The following PHACTR1 variants were observed in gnomAD, a reference collection of about 807,000 sequenced individuals.
PHACTR1 encodes phosphatase and actin regulator 1, also known as RPEL repeat containing 1.
In PHACTR1, 16 loss-of-function variants were observed where a neutral mutation model predicts 69.2. The ratio of observed to expected loss-of-function variants is 0.23; its 90% CI spans 0.16 to 0.35. PHACTR1 has a LOEUF of 0.35. Ranked by LOEUF, PHACTR1 falls within the 10% of genes least tolerant of loss-of-function variation. The probability of loss-of-function intolerance (pLI) is 1.00; values close to 1 mark genes in which losing one functional copy is unlikely to be tolerated. For missense variants in PHACTR1, 510 were observed against 734.7 expected (o/e 0.69, Z 3.54); for synonymous variants, 312 against 284.5 (o/e 1.10, Z -0.97).
chr6:13,171,616 G>A (rs1010449404), intron 6 of PHACTR1, among the ~76,000 whole-genome samples: 8 of 152,170 alleles, frequency 5.3e-5, no homozygotes, highest in African/African-American at 1.7e-4. Flanking sequence ...TACTCTGATT[G>A]AGGAACTGCT....
At chr6:13,219,283 T>C (rs146201013) in intron 8 of PHACTR1, among the ~76,000 whole-genome samples, 375 of 152,328 alleles carry the variant, frequency 2.5e-3, no homozygotes, top group African/African-American at 8.7e-3. Context: ...AGCTGTTCCA[T>C]CCTCTAGGGG....
chr6:12,749,964 G>C (rs1396960340), intron 4 of PHACTR1, among the ~76,000 whole-genome samples, 174 bp downstream of exon 4: 1 of 152,146 alleles, frequency 6.6e-6, no homozygotes, highest in South Asian at 2.1e-4. Context: ...GCTACGGGGT[G>C]GGGGAGGGCG....
intron 4 of PHACTR1, among the ~76,000 whole-genome samples, chr6:13,046,597 C>A (rs1279959740): frequency 2.0e-5 from 3 of 152,022 alleles, no homozygotes; most frequent in African/African-American, 7.2e-5. Flanking sequence ...ACAACATGGC[C>A]TTGTTGATTT....
intron 5 of PHACTR1, among the ~76,000 whole-genome samples, chr6:13,055,871 CAT>C (rs1009067979): frequency 2.0e-5 from 3 of 152,240 alleles, no homozygotes; most frequent in Non-Finnish European, 4.4e-5. Flanking sequence ...AGAATGGAAA[CAT>C]GTGACAAGCA....
chr6:12,948,655 C>T (rs1172718078), intron 4 of PHACTR1, among the ~76,000 whole-genome samples: 2 of 152,110 alleles, frequency 1.3e-5, no homozygotes, highest in African/African-American at 2.4e-5. Flanking sequence ...TGACCCTGCC[C>T]GATTCCGGTA....
chr6:13,106,161 G>A (rs1335263542), intron 5 of PHACTR1, among the ~76,000 whole-genome samples: 2 of 152,148 alleles, frequency 1.3e-5, no homozygotes, highest in African/African-American at 2.4e-5. Flanking sequence ...ACATTCCTCA[G>A]ATAAAAGTTC....
intron 10 of PHACTR1, among the ~76,000 whole-genome samples, chr6:13,238,466 A>G (rs1223986065): frequency 6.6e-6 from 1 of 152,152 alleles, no homozygotes; most frequent in Admixed American, 6.5e-5. Flanking sequence ...AAGTATCCTA[A>G]ATCTGTATTT....
At chr6:13,090,050 T>TG (rs1812978002) in intron 5 of PHACTR1, among the ~76,000 whole-genome samples, 1 of 151,826 alleles carries the variant, frequency 6.6e-6, no homozygotes, top group Non-Finnish European at 1.5e-5. Context: ...TTTTGGGTTT[T>TG]TTTGTTGTTG....
intron 4 of PHACTR1, among the ~76,000 whole-genome samples, chr6:13,011,019 A>G (rs983070302): frequency 1.3e-5 from 2 of 152,200 alleles, no homozygotes; most frequent in African/African-American, 2.4e-5. Context: ...ATACTAAGCT[A>G]TATTCCATCC....
intron 4 of PHACTR1, chr6:12,934,003 A>G (rs758664504): frequency 2.6e-5 from 39 of 1,490,676 alleles, no homozygotes; most frequent in Admixed American, 6.7e-5. Flanking sequence ...ACATAAAACA[A>G]TATCAATTTG....
rs571292862 is a variant in PHACTR1, at chr6:12,762,699, C to T, written c.250+12909C>T. On this transcript the variant is annotated intron_variant, in intron 4 of 14. Transcript: ENST00000332995. Reference sequence around the variant, plus strand: ...AACTCCTCCCTGTGCCATGAAGCAACCAGGCAGCCTTGACAACAATTACTG... The same window carrying T: ...AACTCCTCCCTGTGCCATGAAGCAATCAGGCAGCCTTGACAACAATTACTG... 2.6e-5 allele frequency among the ~76,000 whole-genome samples: 4 copies of T among 152,266 alleles called. No homozygotes were observed. The South Asian group carries it at 6.2e-4, about 24-fold the overall frequency.
intron 4 of PHACTR1, among the ~76,000 whole-genome samples, chr6:13,042,717 T>C (rs907499220): frequency 2.6e-5 from 4 of 152,238 alleles, no homozygotes; most frequent in Non-Finnish European, 5.9e-5. Context: ...AGTGGAACGC[T>C]TATTAGCCAG....
intron 4 of PHACTR1, 34 bp downstream of exon 4, chr6:12,749,824 C>G (rs371748587): frequency 1.3e-6 from 2 of 1,519,260 alleles, no homozygotes; most frequent in East Asian, 2.4e-5. Context: ...CCCCCGCCCC[C>G]GCCCTGCTCC....
intron 4 of PHACTR1, among the ~76,000 whole-genome samples, chr6:12,883,845 C>T (rs909748043): frequency 3.3e-5 from 5 of 152,286 alleles, no homozygotes; most frequent in Admixed American, 3.3e-4. Flanking sequence ...TAGTACCAGT[C>T]CTTTGGCCTT....
intron 10 of PHACTR1, among the ~76,000 whole-genome samples, chr6:13,263,461 G>C (rs1460164023): frequency 1.3e-5 from 2 of 151,768 alleles, no homozygotes; most frequent in Admixed American, 1.3e-4. Context: ...TCAGTTCACT[G>C]AATCATTTAG....
rs1359539116 is a variant in PHACTR1 at position 12,846,447 on chromosome 6, G to C, written c.250+96657G>C. 2.0e-5 allele frequency among the ~76,000 whole-genome samples: 3 copies of C among 152,116 alleles called. No individual in the cohort carries two copies. The East Asian group carries it at 5.8e-4, about 29-fold the overall frequency. ...ACCCAATTTCCTTTCAGCATCTTAAGGACCTTACTGTTAGGTAAAACTTTA... is the reference window on the plus strand; with the variant it reads ...ACCCAATTTCCTTTCAGCATCTTAACGACCTTACTGTTAGGTAAAACTTTA... On this transcript the variant is annotated intron_variant, in intron 4 of 14. Coordinates refer to ENST00000332995, the MANE Select transcript of PHACTR1 (RefSeq NM_030948.6).
intron 4 of PHACTR1, among the ~76,000 whole-genome samples, chr6:12,964,306 C>T (rs1343835276): frequency 6.6e-6 from 1 of 152,000 alleles, no homozygotes; most frequent in Non-Finnish European, 1.5e-5. Context: ...AAAATGACAG[C>T]TTCCATGAGA....
chr6:12,937,510 C>G (rs74567202), intron 4 of PHACTR1, among the ~76,000 whole-genome samples: 2,620 of 152,126 alleles, frequency 0.017, 78 homozygotes, highest in African/African-American at 0.06. Context: ...CAGACAAAGT[C>G]CCTAGCCTCA....
chr6:13,253,770 C>T lies in PHACTR1; in HGVS notation c.1392-19090C>T, dbSNP rs532502455. On this transcript the variant is annotated intron_variant, in intron 10 of 14. Coordinates refer to ENST00000332995, the MANE Select transcript of PHACTR1 (RefSeq NM_030948.6). ...GGTCCACCAGCAGTCTCCTTTCCTG[C>T]GGGAGGTCAGCTGCATGGACGTGGA... Among the ~76,000 whole-genome samples the T allele has an allele frequency of 3.7e-4, 57 of 152,324 alleles. 2 individuals are homozygous for T. In the South Asian group the frequency reaches 9.7e-3, roughly 26 times the overall value.
Sources: allele counts gnomAD v4.1 joint callset (sites outside exome capture counted in the v4.1 genomes callset), GRCh38; gene constraint gnomAD v4.1.1; transcripts MANE v1.5; gene names NCBI Gene and HGNC (gene_info 2026-07-23, HGNC 2026-07-21).